Variants in DAP observed in about 807,000 individuals in gnomAD.
DAP encodes the protein death associated protein, also known as death-associated protein 1.
Under a neutral mutation model 13.8 loss-of-function variants are expected in DAP, and 8 were observed. That is an observed-to-expected ratio of 0.58 (90% CI 0.34 to 1.05). DAP has a LOEUF of 1.05. Among genes scored for constraint, DAP ranks in the 50% least tolerant of loss-of-function variants. DAP has a pLI of 0.03. For missense variants in DAP, 106 were observed against 133.2 expected, an observed-to-expected ratio of 0.80 and a Z score of 1.01; for synonymous variants, 47 against 47.5, an observed-to-expected ratio of 0.99 and a Z score of 0.04.
intron 1 of DAP, among the ~76,000 whole-genome samples, chr5:10,757,071 G>A (rs367841430): frequency 2.0e-5 from 3 of 152,228 alleles, no homozygotes; most frequent in Middle Eastern, 3.4e-3. Flanking sequence ...AACAATACCT[G>A]TATTTGCACA....
intron 1 of DAP, among the ~76,000 whole-genome samples, chr5:10,755,014 G>A (rs1211254880): frequency 6.6e-6 from 1 of 152,188 alleles, no homozygotes; most frequent in African/African-American, 2.4e-5. Flanking sequence ...TGTAAGCTGA[G>A]GAAGAAGAAG....
chr5:10,693,207 A>G (rs1417472466), intron 2 of DAP, among the ~76,000 whole-genome samples: 3 of 152,220 alleles, frequency 2.0e-5, no homozygotes, highest in Non-Finnish European at 4.4e-5. Flanking sequence ...TCCCACTGAA[A>G]GTAATCAAAA....
chr5:10,698,815 A>C (rs958850006), intron 2 of DAP, among the ~76,000 whole-genome samples: 1 of 152,242 alleles, frequency 6.6e-6, no homozygotes, highest in Admixed American at 6.5e-5. Context: ...AACAGTTTGC[A>C]AACCAGGGAG....
intron 2 of DAP, among the ~76,000 whole-genome samples, chr5:10,703,654 A>G (rs1211948379): frequency 6.6e-6 from 1 of 152,280 alleles, no homozygotes. Flanking sequence ...TGTTAATTCA[A>G]TAATTCATAA....
rs1432240410 is a variant in DAP, at chr5:10,707,648, C to T, written c.153-24077G>A. 2.7e-5 allele frequency among the ~76,000 whole-genome samples: 4 copies of T among 148,220 alleles called. No homozygotes were observed. The highest frequency in any genetic ancestry group is 5.0e-5 in the African/African-American group (2 of 39,990). On this transcript the variant is annotated intron_variant, in intron 2 of 3. Coordinates refer to ENST00000230895, the MANE Select transcript of DAP (RefSeq NM_004394.3). The surrounding 1 kb of genome is among the most constrained non-coding windows in gnomAD (Gnocchi z 4.0). Reference sequence around the variant, plus strand: ...CGTGATGTACAGGTGGTGTGATGCACGGGTGGTGTGATTTGCGATCAGTGT... The same window carrying T: ...CGTGATGTACAGGTGGTGTGATGCATGGGTGGTGTGATTTGCGATCAGTGT...
chr5:10,741,623 G>C (rs991360459), intron 2 of DAP, among the ~76,000 whole-genome samples: 2 of 152,186 alleles, frequency 1.3e-5, no homozygotes, highest in African/African-American at 4.8e-5. Context: ...GTTAAAATGA[G>C]GGTTGGCAAA....
At chr5:10,704,477 C>T (rs1738653158) in intron 2 of DAP, among the ~76,000 whole-genome samples, 1 of 151,948 alleles carries the variant, frequency 6.6e-6, no homozygotes, top group East Asian at 1.9e-4. Context: ...AGTCTGCTGC[C>T]AAGAAAGGGA....
chr5:10,739,787 TCACACACACA>T (rs35309839), intron 2 of DAP, among the ~76,000 whole-genome samples: 22 of 148,602 alleles, frequency 1.5e-4, no homozygotes, highest in East Asian at 2.0e-4. Context: ...CTAAATTAAC[TCACACACACA>T]CACACACACA....
At chr5:10,760,662 C>T (rs956469325) in intron 1 of DAP, among the ~76,000 whole-genome samples, 1 of 152,252 alleles carries the variant, frequency 6.6e-6, no homozygotes, top group African/African-American at 2.4e-5. Flanking sequence ...TCTTTCTAGA[C>T]ATCTGTATCC....
intron 3 of DAP, among the ~76,000 whole-genome samples, chr5:10,682,167 G>C (rs1379556790): frequency 7.1e-6 from 1 of 141,644 alleles, no homozygotes; most frequent in Non-Finnish European, 1.5e-5. Context: ...GGTGTTTGTG[G>C]GTGAGGAAGC....
rs568426441 is a variant in DAP, at chr5:10,707,320, C to A, written c.153-23749G>T. Among the ~76,000 whole-genome samples, 13 of 152,138 alleles carry A rather than the reference C, an allele frequency of 8.5e-5. No individual in the cohort carries two copies. The highest frequency in any genetic ancestry group is 2.1e-4 in the South Asian group (1 of 4,834). ...TGAGAGGCAGACATGTGGGTGGGTT[C>A]GGGAATGGGAGAACTGCCCAAGGGT... On this transcript the variant is annotated intron_variant, in intron 2 of 3. Transcript: ENST00000230895. The surrounding 1 kb of genome is among the most constrained non-coding windows in gnomAD (Gnocchi z 4.0).
chr5:10,709,498 C>T (rs1738787561), intron 2 of DAP, among the ~76,000 whole-genome samples: 1 of 152,212 alleles, frequency 6.6e-6, no homozygotes, highest in Admixed American at 6.5e-5. Context: ...AACCTCATTG[C>T]TTGGGTGTGT....
chr5:10,718,737 A>G (rs1739059898), intron 2 of DAP, among the ~76,000 whole-genome samples: 2 of 152,354 alleles, frequency 1.3e-5, no homozygotes, highest in Admixed American at 1.3e-4. Context: ...CCTGGTATGC[A>G]GCCATTGACT....
chr5:10,702,391 A>G (rs1738601612), intron 2 of DAP, among the ~76,000 whole-genome samples: 1 of 152,174 alleles, frequency 6.6e-6, no homozygotes. Context: ...CAAAAGAGCG[A>G]TTAGAGATAG....
At chr5:10,695,631 T>C (rs1738421534) in intron 2 of DAP, among the ~76,000 whole-genome samples, 1 of 152,190 alleles carries the variant, frequency 6.6e-6, no homozygotes, top group African/African-American at 2.4e-5. Flanking sequence ...CTTCAAATCC[T>C]TCAGTGAAGA....
At chr5:10,751,252 T>C (rs1740038566) in intron 1 of DAP, among the ~76,000 whole-genome samples, 1 of 152,144 alleles carries the variant, frequency 6.6e-6, no homozygotes, top group African/African-American at 2.4e-5. Context: ...CAAATTCTTT[T>C]AAAAAAGCAA....
chr5:10,749,426 G>C (rs985155845), intron 1 of DAP, among the ~76,000 whole-genome samples: 17 of 152,084 alleles, frequency 1.1e-4, no homozygotes, highest in Admixed American at 3.9e-4. Flanking sequence ...ATTCCCACCA[G>C]TGTGTGGGTT....
At chr5:10,709,925 T>C (rs1263542105) in intron 2 of DAP, among the ~76,000 whole-genome samples, 1 of 152,192 alleles carries the variant, frequency 6.6e-6, no homozygotes, top group East Asian at 1.9e-4. Context: ...CTGGTCAGAA[T>C]GCACATTTCT....
chr5:10,711,597 G>T (rs1023155740), intron 2 of DAP, among the ~76,000 whole-genome samples: 1 of 152,116 alleles, frequency 6.6e-6, no homozygotes, highest in Non-Finnish European at 1.5e-5. Flanking sequence ...CTCTGACAGC[G>T]CTTCCTGTGT....
Sources: gnomAD v4.1 joint callset for allele counts (sites outside exome capture counted in the v4.1 genomes callset) on GRCh38, gnomAD v4.1.1 for gene constraint, Gnocchi (gnomAD v3.1) non-coding constraint, MANE v1.5 for transcripts, NCBI Gene and HGNC (gene_info 2026-07-23, HGNC 2026-07-21) for gene names.